Variants in JCAD observed in about 807,000 individuals in gnomAD.
JCAD encodes junctional cadherin 5 associated.
JCAD carries 40 observed loss-of-function variants against 98.0 expected under a neutral mutation model. That is an observed-to-expected ratio of 0.41 (90% CI 0.32 to 0.53). The LOEUF is 0.53. Among genes scored for constraint, JCAD ranks in the 20% least tolerant of loss-of-function variants. The pLI is 0.31. For synonymous variants in JCAD, 691 were observed against 682.3 expected, an observed-to-expected ratio of 1.01 and a Z score of -0.20; for missense variants, 1,705 against 1,738.1, an observed-to-expected ratio of 0.98 and a Z score of 0.34.
chr10:30,014,692 G>C lies in JCAD; in HGVS notation c.*3191C>G, dbSNP rs1318175480. 6.6e-6 allele frequency: 1 copy of C among 152,112 alleles called. No homozygotes were observed. Among genetic ancestry groups the C allele is most frequent in the African/African-American group, 2.4e-5 (1 of 41,416 alleles). The allele number at this position is 152,112 out of a possible 1,614,324, so 9.4% of individuals were successfully genotyped here. On this transcript the variant is annotated 3_prime_UTR_variant, in exon 4 of 4. Transcript: ENST00000375377. ...GAAGCCCCAAACCGAGATGCTGTCA[G>C]AATAAGTCATTTTGCTGCTGCAAAA...
chr10:30,053,069 C>T (rs1285670096), intron 1 of JCAD, among the ~76,000 whole-genome samples: 1 of 152,002 alleles, frequency 6.6e-6, no homozygotes, highest in Non-Finnish European at 1.5e-5. Context: ...GCATGGTCAC[C>T]CTCACCTGTA....
rs574934528 is a variant in JCAD at position 30,103,145 on chromosome 10, T to C, written n.128+12222A>G. Among the ~76,000 whole-genome samples the C allele has an allele frequency of 5.3e-5, 8 of 152,346 alleles. No individual in the cohort carries two copies. In the South Asian group the frequency reaches 1.2e-3, roughly 24 times the overall value. On this transcript the variant is annotated intron_variant and non_coding_transcript_variant, in intron 1 of 2. Transcript: ENST00000465712. ...GCATATGGCAAGATTTTCGCCTTTT[T>C]TAATGCTGGGTAATATTCCACTGTG...
intron 1 of JCAD, among the ~76,000 whole-genome samples, chr10:30,093,844 G>T (rs1171220467): frequency 6.6e-6 from 1 of 152,196 alleles, no homozygotes; most frequent in Non-Finnish European, 1.5e-5. Context: ...AAGTCCTTTT[G>T]CAAGAGTCTC....
intron 1 of JCAD, among the ~76,000 whole-genome samples, chr10:30,096,496 T>A (rs911175436): frequency 1.3e-5 from 2 of 152,234 alleles, no homozygotes; most frequent in African/African-American, 4.8e-5. Flanking sequence ...TAATGCATTA[T>A]TCATCACACC....
Position 30,027,753 on chromosome 10 carries a change from G to A in JCAD, c.2395C>T (p.Arg799Trp). 6.2e-7 allele frequency: 1 copy of A among 1,614,178 alleles called. No individual in the cohort carries two copies. Among genetic ancestry groups the A allele is most frequent in the South Asian group, 1.1e-5 (1 of 91,082 alleles). ...GTGGGCTCCCCCTTCACCACCTCCCGCTTAGGCCCAGGGTGGGCTCCAAGC... is the reference window on the plus strand; with the variant it reads ...GTGGGCTCCCCCTTCACCACCTCCCACTTAGGCCCAGGGTGGGCTCCAAGC... ...HGLGAHPGPK[R>W]EVVKGEPTGP... Residue 799 changes from arginine (R) to tryptophan (W), a missense_variant, in exon 3 of 4, where the codon CGG becomes TGG. Coordinates refer to ENST00000375377, the MANE Select transcript of JCAD (RefSeq NM_020848.4).
At position 30,034,222 on chromosome 10, in the gene JCAD, C is replaced by CAATAATAATAATAAT. The variant is rs71023540; in HGVS notation, c.282-4371_282-4357dup. 1.6e-3 allele frequency among the ~76,000 whole-genome samples: 240 copies of CAATAATAATAATAAT among 149,322 alleles called. 2 individuals carry two copies. Among genetic ancestry groups the CAATAATAATAATAAT allele is most frequent in the African/African-American group, 5.3e-3 (214 of 40,260 alleles). ...TGGGCGACAGAGCAAGACTCCATCT[C>CAATAATAATAATAAT]AATAATAATAATAATAATAATAATA... On this transcript the variant is annotated intron_variant, in intron 2 of 3. Transcript: ENST00000375377.
intron 1 of JCAD, among the ~76,000 whole-genome samples, chr10:30,079,880 G>A (rs909066969): frequency 1.3e-5 from 2 of 152,098 alleles, no homozygotes; most frequent in Non-Finnish European, 2.9e-5. Flanking sequence ...ATTTAGGTCA[G>A]GCCTCACTTG....
chr10:30,027,131 G>C lies in JCAD; in HGVS notation c.3017C>G (p.Thr1006Ser). The C allele has an allele frequency of 6.2e-7, 1 of 1,614,200 alleles. No individual in the cohort carries two copies. The highest frequency in any genetic ancestry group is 8.5e-7 in the Non-Finnish European group (1 of 1,180,020). The change falls in exon 3 of 4, where the codon ACC becomes AGC. Residue 1006 changes from threonine (T) to serine (S), a missense_variant. Physicochemically the swap from Thr to Ser is moderately conservative, Grantham distance 58. This residue lies in a region of JCAD where 1,278 missense variants were observed against 1,243.1 expected (regional missense o/e 1.03). Coordinates refer to ENST00000375377, the MANE Select transcript of JCAD (RefSeq NM_020848.4). ...TGGTTTCACAGAGCTGAAAGCACTG[G>C]TGATTTTCGGACTTTCCTGGGGCTC... is the stretch of plus-strand genomic sequence containing the variant. The part of the protein sequence containing the change: ...PREPQESPKI[T>S]SAFSSVKPSE...
rs77154162 is a variant in JCAD at position 30,018,019 on chromosome 10, A to T, written c.4046-102T>A. The T allele has an allele frequency of 1.5e-3, 1,282 of 836,576 alleles. 13 individuals are homozygous for T. In the African/African-American group the frequency reaches 0.02, roughly 13 times the overall value. 51.8% of individuals were successfully genotyped at this position (836,576 alleles called of 1,614,324 possible). A position where few individuals can be genotyped will look rare whatever the true frequency, so the allele number is the denominator to read the frequency against. The stretch of plus-strand genomic sequence containing the variant: ...ATTTGTCTAGGGAACAAAATCTACA[A>T]GTGTATAAAGGTTAATTTTTAGACA... On this transcript the variant is annotated intron_variant, in intron 3 of 3. Transcript: ENST00000375377.
intron 2 of JCAD, among the ~76,000 whole-genome samples, chr10:30,066,500 A>T (rs574251591): frequency 5.3e-5 from 8 of 152,242 alleles, no homozygotes; most frequent in African/African-American, 1.9e-4. Flanking sequence ...TGCCAAATTC[A>T]TAAGGAGGCC....
rs1836545690 is a variant in JCAD at position 30,016,847 on chromosome 10, T to A, written c.*1036A>T. ...AGCTACACTTGTACAAAAATCTTTG[T>A]GAAAAGTTTCTTTTATTAACCCTGT... On this transcript the variant is annotated 3_prime_UTR_variant, in exon 4 of 4. Coordinates refer to ENST00000375377, the MANE Select transcript of JCAD (RefSeq NM_020848.4). 6.6e-6 allele frequency: 1 copy of A among 152,208 alleles called. No individual in the cohort carries two copies. The allele number at this position is 152,208 out of a possible 1,614,324, so 9.4% of individuals were successfully genotyped here. A position where few individuals can be genotyped will look rare whatever the true frequency, so the allele number is the denominator to read the frequency against.
At chr10:30,077,057 G>T (rs975181798) in intron 1 of JCAD, among the ~76,000 whole-genome samples, 3 of 152,150 alleles carry the variant, frequency 2.0e-5, no homozygotes, top group African/African-American at 7.2e-5. Context: ...GTATATTAAT[G>T]CCTCTGCAAG....
intron 1 of JCAD, among the ~76,000 whole-genome samples, chr10:30,111,503 T>C (rs2132721801): frequency 6.6e-6 from 1 of 152,302 alleles, no homozygotes; most frequent in Non-Finnish European, 1.5e-5. Context: ...AGTACTGAGA[T>C]GCAATAGTAG....
chr10:30,105,470 C>T (rs80309224), intron 1 of JCAD, among the ~76,000 whole-genome samples: 12,140 of 151,518 alleles, frequency 0.08, 712 homozygotes, highest in East Asian at 0.2. Context: ...ATTACAGACA[C>T]GTGCCACCAC....
rs1330419002 is a variant in JCAD at position 30,028,026 on chromosome 10, C to A, written c.2122G>T (p.Ala708Ser). Reference sequence around the variant, plus strand: ...GCACGACTCGGCCCTCCCAGCTTTGCACCAGGGAGCAGCTGCGAACTTTGG... The same window carrying A: ...GCACGACTCGGCCCTCCCAGCTTTGAACCAGGGAGCAGCTGCGAACTTTGG... ...EPQSSQLLPG[A>S]KLGGPSRAAL... The change falls in exon 3 of 4, where the codon GCA becomes TCA. Residue 708 changes from alanine (A) to serine (S), a missense_variant. Coordinates refer to ENST00000375377, the MANE Select transcript of JCAD (RefSeq NM_020848.4). The A allele has an allele frequency of 6.2e-7, 1 of 1,614,258 alleles. No homozygotes were observed. The highest frequency in any genetic ancestry group is 1.1e-5 in the South Asian group (1 of 91,090).
intron 1 of JCAD, among the ~76,000 whole-genome samples, chr10:30,113,112 T>C (rs1838734886): frequency 6.6e-6 from 1 of 152,156 alleles, no homozygotes; most frequent in Admixed American, 6.5e-5. Flanking sequence ...ATTATATGTA[T>C]TTTGTCACAA....
rs1174130314 is a variant in JCAD, at chr10:30,028,644, C to T, written c.1504G>A (p.Gly502Ser). 1 of 1,607,010 alleles carries T rather than the reference C, an allele frequency of 6.2e-7. No homozygotes were observed. The highest frequency in any genetic ancestry group is 2.2e-5 in the East Asian group (1 of 44,802). The change falls in exon 3 of 4, where the codon GGC becomes AGC. Residue 502 changes from glycine to serine, a missense_variant. Gly to Ser is a moderately conservative substitution (Grantham distance 56, BLOSUM62 0). This residue lies in a region of JCAD where 1,278 missense variants were observed against 1,243.1 expected (regional missense o/e 1.03). Coordinates refer to ENST00000375377, the MANE Select transcript of JCAD (RefSeq NM_020848.4). ...LADSSPRWLW[G>S]QPPGDGENSG... Reference sequence around the variant, plus strand: ...TTTTCCCCATCCCCGGGGGGCTGGCCCCACAGCCACCGGGGGCTGGAATCG... The same window carrying T: ...TTTTCCCCATCCCCGGGGGGCTGGCTCCACAGCCACCGGGGGCTGGAATCG...
intron 1 of JCAD, among the ~76,000 whole-genome samples, chr10:30,105,433 C>T (rs914443324): frequency 1.3e-5 from 2 of 151,422 alleles, no homozygotes; most frequent in Non-Finnish European, 2.9e-5. Flanking sequence ...AAGTGATCCT[C>T]CTGCCTCAGC....
rs1836500392 is a variant in JCAD at position 30,014,744 on chromosome 10, A to T, written c.*3139T>A. ...ATGATCACAGTCTGGTTTCTGAGTC[A>T]TCTGAGTTTTAAAACGTAAACTTCC... On this transcript the variant is annotated 3_prime_UTR_variant, in exon 4 of 4. Transcript: ENST00000375377. The T allele has an allele frequency of 6.6e-6, 1 of 152,226 alleles. No homozygotes were observed. The highest frequency in any genetic ancestry group is 1.5e-5 in the Non-Finnish European group (1 of 68,040). 9.4% of individuals were successfully genotyped at this position (152,226 alleles called of 1,614,324 possible).
Sources: gnomAD v4.1 joint callset for allele counts (sites outside exome capture counted in the v4.1 genomes callset) on GRCh38, gnomAD v4.1.1 for gene constraint, gnomAD v4.1.1 regional missense constraint, MANE v1.5 for transcripts, NCBI Gene and HGNC (gene_info 2026-07-23, HGNC 2026-07-21) for gene names.